DCC: variants seen among roughly 807,000 people sequenced by gnomAD.
DCC encodes the protein netrin receptor DCC.
DCC carries 58 observed loss-of-function variants against 172.5 expected under a neutral mutation model. That is an observed-to-expected ratio of 0.34 (90% CI 0.27 to 0.42). DCC has a LOEUF of 0.42. Ranked by LOEUF, DCC falls within the 10% of genes least tolerant of loss-of-function variation. The pLI, the probability that DCC is intolerant of heterozygous loss-of-function variation, is 1.00. For synonymous variants in DCC, 709 were observed against 644.5 expected (o/e 1.10, Z -1.52); for missense variants, 1,740 against 1,791.0 (o/e 0.97, Z 0.51).
intron 7 of DCC, among the ~76,000 whole-genome samples, chr18:53,101,803 CTGTG>C (rs140007932): frequency 4.7e-4 from 67 of 141,698 alleles, no homozygotes; most frequent in African/African-American, 1.4e-3. Flanking sequence ...TACCACTGGG[CTGTG>C]TGTGTGTGTG....
chr18:52,759,414 T>A (rs982764491), intron 2 of DCC, among the ~76,000 whole-genome samples: 5 of 152,276 alleles, frequency 3.3e-5, no homozygotes, highest in Admixed American at 6.5e-5. Context: ...CTAAAAAAAA[T>A]TTTCAACCTT....
intron 3 of DCC, among the ~76,000 whole-genome samples, chr18:52,912,318 AT>A (rs34148714): frequency 0.4 from 59,960 of 151,740 alleles, 12,417 homozygotes; most frequent in Non-Finnish European, 0.47. Flanking sequence ...AGCTATTATA[AT>A]TATCTTAGCA....
intron 1 of DCC, among the ~76,000 whole-genome samples, chr18:52,693,842 T>C (rs966531987): frequency 4.6e-5 from 7 of 152,042 alleles, no homozygotes; most frequent in African/African-American, 1.7e-4. Flanking sequence ...ATTCACAATA[T>C]AAAATAAATA....
chr18:53,034,006 C>A (rs1410901754), intron 5 of DCC, among the ~76,000 whole-genome samples: 1 of 152,034 alleles, frequency 6.6e-6, no homozygotes, highest in African/African-American at 2.4e-5. Context: ...CTTTCAGTCT[C>A]ATTTGCTAGT....
chr18:53,503,657 C>T (rs2046132550), intron 27 of DCC, among the ~76,000 whole-genome samples: 1 of 152,022 alleles, frequency 6.6e-6, no homozygotes. Flanking sequence ...GTTAAAATTC[C>T]TTTTAGTGAT....
At chr18:52,507,156 CT>C (rs1325088500) in intron 1 of DCC, among the ~76,000 whole-genome samples, 11 of 152,160 alleles carry the variant, frequency 7.2e-5, no homozygotes, top group Admixed American at 7.2e-4. Flanking sequence ...ATATCCTCCC[CT>C]ATGAGTCTTA....
At chr18:53,177,237 G>A (rs577754662) in intron 8 of DCC, among the ~76,000 whole-genome samples, 16 of 152,046 alleles carry the variant, frequency 1.1e-4, no homozygotes, top group African/African-American at 3.4e-4. Flanking sequence ...GCTAGATGAC[G>A]AGTTAGTGGG....
chr18:53,505,713 AC>A (rs1208823942), intron 27 of DCC, among the ~76,000 whole-genome samples: 2 of 152,204 alleles, frequency 1.3e-5, no homozygotes, highest in African/African-American at 4.8e-5. Context: ...GAACTTTGTA[AC>A]CTAATAGAAG....
intron 3 of DCC, among the ~76,000 whole-genome samples, chr18:52,922,511 A>T (rs887789053): frequency 1.3e-5 from 2 of 152,118 alleles, no homozygotes; most frequent in East Asian, 3.9e-4. Flanking sequence ...AAAAGATTTC[A>T]TTGCCTCATT....
chr18:52,941,975 G>A (rs573897141), intron 5 of DCC, among the ~76,000 whole-genome samples: 13 of 152,144 alleles, frequency 8.5e-5, no homozygotes, highest in Admixed American at 4.6e-4. Flanking sequence ...TAGAGACAAG[G>A]TTTCACCATG....
chr18:53,433,455 A>G (rs1481954260), intron 21 of DCC, among the ~76,000 whole-genome samples: 4 of 152,198 alleles, frequency 2.6e-5, no homozygotes, highest in African/African-American at 9.6e-5. Context: ...ATTATTCCCA[A>G]CAGGAAACAT....
intron 1 of DCC, among the ~76,000 whole-genome samples, chr18:52,539,204 T>C (rs542620587): frequency 1.6e-4 from 24 of 152,096 alleles, no homozygotes; most frequent in Non-Finnish European, 3.2e-4. Context: ...CTTGGAACCA[T>C]AGAGAGATAT....
intron 1 of DCC, among the ~76,000 whole-genome samples, chr18:52,565,303 G>A (rs901083496): frequency 2.6e-5 from 4 of 152,222 alleles, no homozygotes; most frequent in East Asian, 1.9e-4. Context: ...GTAAACATAC[G>A]TGTGCATGTG....
At chr18:53,373,556 T>C (rs2058080710) in intron 15 of DCC, among the ~76,000 whole-genome samples, 1 of 152,186 alleles carries the variant, frequency 6.6e-6, no homozygotes, top group Admixed American at 6.5e-5. Flanking sequence ...TTTTACATAA[T>C]TATTCTAACT....
chr18:53,091,834 TCTATCTATCTATCTATCA>T lies in DCC; in HGVS notation c.1261+25669_1261+25686del, dbSNP rs2043014242. ...ATATATCTATCTATCTATCTATCTA[TCTATCTATCTATCTATCA>T]ATCTATCTATATATATATATATATC... On this transcript the variant is annotated intron_variant, in intron 7 of 28. Transcript: ENST00000442544. Among the ~76,000 whole-genome samples, 2 of 73,990 alleles carry T rather than the reference TCTATCTATCTATCTATCA, an allele frequency of 2.7e-5. 1 individual carries two copies. The highest frequency in any genetic ancestry group is 1.3e-4 in the African/African-American group (2 of 14,816). The allele number at this position is 73,990 out of a possible 152,430, so 48.5% of individuals were successfully genotyped here. A position where few individuals can be genotyped will look rare whatever the true frequency, so the allele number is the denominator to read the frequency against.
chr18:53,212,796 G>C (rs2055778585), intron 11 of DCC, among the ~76,000 whole-genome samples: 1 of 151,908 alleles, frequency 6.6e-6, no homozygotes, highest in South Asian at 2.1e-4. Flanking sequence ...TCAACCTCTG[G>C]AGTAGCTGGG....
At chr18:53,466,624 C>G (rs2045624590) in intron 24 of DCC, among the ~76,000 whole-genome samples, 1 of 152,176 alleles carries the variant, frequency 6.6e-6, no homozygotes, top group Admixed American at 6.5e-5. Context: ...CTCCTGGGTT[C>G]AAGCGATTCT....
intron 5 of DCC, among the ~76,000 whole-genome samples, chr18:52,972,565 A>G (rs769614109): frequency 1.3e-5 from 2 of 150,158 alleles, no homozygotes; most frequent in Non-Finnish European, 3.0e-5. Context: ...CCATGTACAT[A>G]TCAAGATGGA....
chr18:53,349,406 C>T (rs567511938), intron 15 of DCC, among the ~76,000 whole-genome samples: 1 of 152,294 alleles, frequency 6.6e-6, no homozygotes, highest in East Asian at 1.9e-4. Flanking sequence ...TCCACATTGT[C>T]CTATCTTCTT....
Sources: gnomAD v4.1 joint callset for allele counts (sites outside exome capture counted in the v4.1 genomes callset) on GRCh38, gnomAD v4.1.1 for gene constraint, MANE v1.5 for transcripts, NCBI Gene and HGNC (gene_info 2026-07-23, HGNC 2026-07-21) for gene names.